The following GSAP variants were observed in gnomAD, a reference collection of about 807,000 sequenced individuals.
GSAP encodes gamma-secretase-activating protein.
Under a neutral mutation model 131.7 loss-of-function variants are expected in GSAP, and 118 were observed. The ratio of observed to expected loss-of-function variants is 0.90; its 90% CI spans 0.77 to 1.04. GSAP has a LOEUF of 1.04. GSAP is among the 50% of genes least tolerant of loss of function. GSAP has a pLI of 0.00. For synonymous variants in GSAP, 381 were observed against 363.4 expected (o/e 1.05, Z -0.55); for missense variants, 1,019 against 1,013.2 (o/e 1.01, Z -0.08).
At chr7:77,346,270 CAAAAAAAAAA>C (rs1223497863) in intron 19 of GSAP, among the ~76,000 whole-genome samples, 1 of 40,884 alleles carries the variant, frequency 2.4e-5, no homozygotes, top group Non-Finnish European at 4.7e-5. Context: ...GACTCCATCT[CAAAAAAAAAA>C]AAAAAAAAAA....
intron 3 of GSAP, among the ~76,000 whole-genome samples, chr7:77,398,062 G>A (rs1583859393): frequency 6.6e-6 from 1 of 152,222 alleles, no homozygotes; most frequent in Non-Finnish European, 1.5e-5. Context: ...AAATGAAAAT[G>A]CCCATGCAGG....
intron 3 of GSAP, among the ~76,000 whole-genome samples, chr7:77,404,147 G>T (rs887895093): frequency 6.6e-6 from 1 of 152,218 alleles, no homozygotes; most frequent in Non-Finnish European, 1.5e-5. Flanking sequence ...GCCTGCCCAG[G>T]TATTGTGCAA....
In GSAP at chr7:77,321,340, G is replaced by T. The variant is rs1328932448; in HGVS notation, c.1987C>A (p.Leu663Ile). ...TGAGAAATACTTGCGTACAAGTGGA[G>T]AACCCAGGAATGAAGATTATGTTTC... is the stretch of plus-strand genomic sequence containing the variant. ...WRKHNLHSWV[L>I]HFNSRGSAAE... The change falls in exon 25 of 31, where the codon CTC becomes ATC. Residue 663 changes from leucine to isoleucine, a missense_variant. Coordinates refer to ENST00000257626, the MANE Select transcript of GSAP (RefSeq NM_017439.4). 5 of 1,586,726 alleles carry T rather than the reference G, an allele frequency of 3.2e-6. No homozygotes were observed. The highest frequency in any genetic ancestry group is 2.7e-5 in the African/African-American group (2 of 74,350).
chr7:77,411,046 A>G (rs1381534092), intron 1 of GSAP, among the ~76,000 whole-genome samples: 4 of 151,306 alleles, frequency 2.6e-5, no homozygotes, highest in African/African-American at 7.3e-5. Flanking sequence ...GGAGACTAGG[A>G]AAGAATTAGC....
chr7:77,329,106 C>T (rs934409346), intron 21 of GSAP, among the ~76,000 whole-genome samples: 4 of 152,086 alleles, frequency 2.6e-5, no homozygotes, highest in South Asian at 4.1e-4. Context: ...AACATCTATC[C>T]GCAGGTTACA....
chr7:77,401,025 T>G (rs190695938), intron 3 of GSAP, among the ~76,000 whole-genome samples: 4 of 146,112 alleles, frequency 2.7e-5, no homozygotes, highest in Admixed American at 1.4e-4. Flanking sequence ...TTGAAAACAA[T>G]AGAAGTTACC....
chr7:77,312,129 G>A lies in GSAP; in HGVS notation c.2345C>T (p.Thr782Met), dbSNP rs777155231. Residue 782 changes from threonine to methionine, a missense_variant, in exon 29 of 31, where the codon ACG becomes ATG. By Grantham distance (81) the Thr-to-Met change is moderately conservative. Coordinates refer to ENST00000257626, the MANE Select transcript of GSAP (RefSeq NM_017439.4). ...TTTCTTATAGTTCTGAAGCAGTCGC[G>A]TCACGTGGTTCCGCGAAATGATGTT... ...SSNIISRNHV[T>M]RLLQNYKKQP... The A allele has an allele frequency of 1.5e-5, 24 of 1,601,066 alleles. No homozygotes were observed. Among genetic ancestry groups the A allele is most frequent in the African/African-American group, 2.7e-5 (2 of 74,172 alleles).
intron 18 of GSAP, among the ~76,000 whole-genome samples, chr7:77,350,167 G>C (rs570025351): frequency 2.1e-4 from 31 of 149,100 alleles, no homozygotes; most frequent in Non-Finnish European, 3.9e-4. Flanking sequence ...GTAAACTATC[G>C]CAAGGACAAA....
At position 77,346,465 on chromosome 7, in the gene GSAP, C is replaced by T. The variant is rs549607309; in HGVS notation, c.1545+2886G>A. On this transcript the variant is annotated intron_variant, in intron 19 of 30. Coordinates refer to ENST00000257626, the MANE Select transcript of GSAP (RefSeq NM_017439.4). Reference sequence around the variant, plus strand: ...CTGTAATACCAACACTTTGGGAGGCCGAGTTAGGAGGATGGCTTTAGCTTA... The same window carrying T: ...CTGTAATACCAACACTTTGGGAGGCTGAGTTAGGAGGATGGCTTTAGCTTA... 1.3e-4 allele frequency among the ~76,000 whole-genome samples: 20 copies of T among 150,100 alleles called. No homozygotes were observed. The East Asian group carries it at 2.7e-3, about 21-fold the overall frequency.
intron 3 of GSAP, among the ~76,000 whole-genome samples, chr7:77,404,294 A>G (rs1164757726): frequency 1.3e-5 from 2 of 152,220 alleles, no homozygotes; most frequent in Non-Finnish European, 2.9e-5. Context: ...AGCTCCTGGA[A>G]ACTTTCCTAT....
At chr7:77,409,453 A>G (rs1315545431) in intron 1 of GSAP, among the ~76,000 whole-genome samples, 2 of 152,240 alleles carry the variant, frequency 1.3e-5, no homozygotes, top group Non-Finnish European at 2.9e-5. Context: ...ACCAATATAC[A>G]GTGAAAAGGT....
In GSAP at chr7:77,406,047, A is replaced by G; in HGVS notation, c.168T>C (p.Asn56=). Residue 56 remains asparagine, a synonymous_variant, in exon 2 of 31, where the codon AAT becomes AAC. Transcript: ENST00000257626. ...LHVLNVERNG[N]IIYTYKDDKG... The stretch of plus-strand genomic sequence containing the variant: ...GACATACCTTATAGGTATAAATAAT[A>G]TTTCCATTTCTTTCAACATTTAATA... 2.0e-6 allele frequency: 2 copies of G among 1,025,446 alleles called. No individual in the cohort carries two copies. The highest frequency in any genetic ancestry group is 2.7e-6 in the Non-Finnish European group (2 of 745,132). 63.5% of individuals were successfully genotyped at this position (1,025,446 alleles called of 1,614,324 possible).
intron 12 of GSAP, among the ~76,000 whole-genome samples, chr7:77,366,601 G>A (rs1795358502): frequency 6.6e-6 from 1 of 152,070 alleles, no homozygotes; most frequent in Non-Finnish European, 1.5e-5. Flanking sequence ...TGCCTGTTTT[G>A]GTAACAGTAC....
chr7:77,398,967 A>G (rs1800880530), intron 3 of GSAP, among the ~76,000 whole-genome samples: 1 of 152,200 alleles, frequency 6.6e-6, no homozygotes, highest in African/African-American at 2.4e-5. Flanking sequence ...TGTTTTGGAG[A>G]GACTTCTGTA....
intron 26 of GSAP, among the ~76,000 whole-genome samples, chr7:77,318,942 G>A (rs1185252490): frequency 1.3e-5 from 2 of 151,092 alleles, no homozygotes; most frequent in African/African-American, 2.4e-5. Context: ...GGAAGGGATA[G>A]CATTAGGAGA....
rs374538377 is a variant in GSAP at position 77,381,367 on chromosome 7, A to G, written c.527-13T>C. On this transcript the variant is annotated splice_polypyrimidine_tract_variant and intron_variant, in intron 7 of 30. Coordinates refer to ENST00000257626, the MANE Select transcript of GSAP (RefSeq NM_017439.4). ...AATTGTTCAATATCTTTAAAAGAAA[A>G]ACAAAGAAAGATAATTTAACCTTAA... 8.4e-7 allele frequency: 1 copy of G among 1,184,100 alleles called. No individual in the cohort carries two copies. Among genetic ancestry groups the G allele is most frequent in the Admixed American group, 3.0e-5 (1 of 33,002 alleles). 73.3% of individuals were successfully genotyped at this position (1,184,100 alleles called of 1,614,324 possible).
intron 23 of GSAP, 118 bp from the exon 24 acceptor site, chr7:77,323,860 G>T (rs973799468): frequency 1.1e-5 from 6 of 527,496 alleles, no homozygotes; most frequent in East Asian, 6.5e-5. Flanking sequence ...GGATCTGAAG[G>T]TCCCATCAAT....
chr7:77,386,596 T>C (rs1798602593), intron 6 of GSAP, among the ~76,000 whole-genome samples: 1 of 152,168 alleles, frequency 6.6e-6, no homozygotes, highest in Admixed American at 6.5e-5. Flanking sequence ...GAAACACATG[T>C]TTTCTCCCTA....
intron 19 of GSAP, among the ~76,000 whole-genome samples, chr7:77,334,922 A>C (rs1428871084): frequency 6.6e-6 from 1 of 151,724 alleles, no homozygotes; most frequent in African/African-American, 2.4e-5. Flanking sequence ...GTCTCTACTA[A>C]AAATACAAAA....
Sources: allele counts gnomAD v4.1 joint callset (sites outside exome capture counted in the v4.1 genomes callset), GRCh38; gene constraint gnomAD v4.1.1; transcripts MANE v1.5; gene names NCBI Gene and HGNC (gene_info 2026-07-23, HGNC 2026-07-21).